ACBD3: variants seen among roughly 807,000 people sequenced by gnomAD.
ACBD3 encodes the protein Golgi resident protein GCP60.
ACBD3 carries 30 observed loss-of-function variants against 66.9 expected under a neutral mutation model. That is an observed-to-expected ratio of 0.45 (90% CI 0.34 to 0.61). ACBD3 has a LOEUF of 0.61. Among genes scored for constraint, ACBD3 ranks in the 20% least tolerant of loss-of-function variants. The probability of loss-of-function intolerance (pLI) is 0.02; values close to 1 mark genes in which losing one functional copy is unlikely to be tolerated. For missense variants in ACBD3, 544 were observed against 664.5 expected (o/e 0.82, Z 1.99); for synonymous variants, 278 against 259.8 (o/e 1.07, Z -0.68).
At chr1:226,184,130 G>C (rs1016138033) in intron 1 of ACBD3, among the ~76,000 whole-genome samples, 1 of 152,134 alleles carries the variant, frequency 6.6e-6, no homozygotes, top group Non-Finnish European at 1.5e-5. Flanking sequence ...GGTGGAGCTT[G>C]CAGTGAGCCC....
At chr1:226,153,869 G>A (rs1339431608) in intron 6 of ACBD3, among the ~76,000 whole-genome samples, 1 of 152,172 alleles carries the variant, frequency 6.6e-6, no homozygotes, top group Non-Finnish European at 1.5e-5. Flanking sequence ...GGATTGGTAT[G>A]TGTGACCAAC....
At chr1:226,155,527 A>C (rs1368543787) in intron 5 of ACBD3, among the ~76,000 whole-genome samples, 1 of 152,206 alleles carries the variant, frequency 6.6e-6, no homozygotes, top group East Asian at 1.9e-4. Flanking sequence ...AAATCTTGAT[A>C]AACTTTAAAT....
intron 5 of ACBD3, among the ~76,000 whole-genome samples, chr1:226,156,864 CA>C (rs1432916933): frequency 6.6e-6 from 1 of 152,122 alleles, no homozygotes; most frequent in Non-Finnish European, 1.5e-5. Flanking sequence ...TCAATAGGCC[CA>C]GCTCAAATGG....
At chr1:226,174,792 C>T (rs1655991962) in intron 1 of ACBD3, among the ~76,000 whole-genome samples, 1 of 150,544 alleles carries the variant, frequency 6.6e-6, no homozygotes, top group African/African-American at 2.4e-5. Flanking sequence ...AAAAAGAATA[C>T]TGAATGCTAG....
chr1:226,173,130 G>A (rs759905016), intron 1 of ACBD3, among the ~76,000 whole-genome samples: 2 of 152,098 alleles, frequency 1.3e-5, no homozygotes, highest in Non-Finnish European at 2.9e-5. Flanking sequence ...AAATTTAGCT[G>A]GGCATGGTGG....
At chr1:226,164,310 A>G (rs188183493) in intron 3 of ACBD3, among the ~76,000 whole-genome samples, 9 of 152,306 alleles carry the variant, frequency 5.9e-5, no homozygotes, top group African/African-American at 1.7e-4. Flanking sequence ...CAGCACATTC[A>G]GTAGCTCCTC....
intron 1 of ACBD3, among the ~76,000 whole-genome samples, chr1:226,175,867 C>T (rs990815806): frequency 6.6e-6 from 1 of 152,166 alleles, no homozygotes; most frequent in African/African-American, 2.4e-5. Flanking sequence ...CGAATAAACT[C>T]ATGCACAATT....
intron 4 of ACBD3, 82 bp downstream of exon 4, chr1:226,161,449 C>A: frequency 1.3e-6 from 2 of 1,588,716 alleles, no homozygotes; most frequent in Non-Finnish European, 1.7e-6. Flanking sequence ...TGAACCACCA[C>A]ACCTGGCCCG....
intron 7 of ACBD3, among the ~76,000 whole-genome samples, chr1:226,150,382 CT>C (rs961784244): frequency 6.6e-6 from 1 of 151,470 alleles, no homozygotes; most frequent in Non-Finnish European, 1.5e-5. Context: ...CAGGCTTTTT[CT>C]TTTTTTTATT....
intron 5 of ACBD3, among the ~76,000 whole-genome samples, chr1:226,155,424 A>C (rs1412911531): frequency 6.6e-6 from 1 of 152,022 alleles, no homozygotes; most frequent in Non-Finnish European, 1.5e-5. Flanking sequence ...TCTCAAAAAA[A>C]AAAAAAAAAA....
intron 3 of ACBD3, among the ~76,000 whole-genome samples, chr1:226,164,269 CA>C (rs1376868954): frequency 1.3e-5 from 2 of 151,812 alleles, no homozygotes; most frequent in African/African-American, 4.8e-5. Context: ...TTCTAATTCA[CA>C]ACTACAACAG....
chr1:226,167,666 CG>C (rs1659900026), intron 1 of ACBD3, among the ~76,000 whole-genome samples: 1 of 152,048 alleles, frequency 6.6e-6, no homozygotes, highest in African/African-American at 2.4e-5. Flanking sequence ...TTAAAGAAAA[CG>C]GGGAGGGCAC....
In ACBD3 at chr1:226,145,875, A is replaced by G. The variant is rs1194507863; in HGVS notation, c.*735T>C. The G allele has an allele frequency of 6.6e-6, 1 of 152,350 alleles. No individual in the cohort carries two copies. The highest frequency in any genetic ancestry group is 1.5e-5 in the Non-Finnish European group (1 of 68,044). 9.4% of individuals were successfully genotyped at this position (152,350 alleles called of 1,614,324 possible). On this transcript the variant is annotated 3_prime_UTR_variant, in exon 8 of 8. Coordinates refer to ENST00000366812, the MANE Select transcript of ACBD3 (RefSeq NM_022735.4). ...CAAAACAAAAAACCTGTATTTTGCTACTAGTAGTATGAATACCAAATAAAG... is the reference window on the plus strand; with the variant it reads ...CAAAACAAAAAACCTGTATTTTGCTGCTAGTAGTATGAATACCAAATAAAG...
intron 1 of ACBD3, among the ~76,000 whole-genome samples, chr1:226,173,610 C>G (rs921387763): frequency 4.6e-5 from 7 of 151,910 alleles, no homozygotes; most frequent in Non-Finnish European, 1.0e-4. Flanking sequence ...AAATAAAAAT[C>G]CTTCACAATC....
chr1:226,160,321 CTCAA>C (rs10593361), intron 4 of ACBD3, among the ~76,000 whole-genome samples: 152,143 of 152,174 alleles, frequency 1, 76,056 homozygotes, highest in Non-Finnish European at 1. Flanking sequence ...AACCCCTGAC[CTCAA>C]TCAAGTGATC....
At chr1:226,156,752 G>T (rs1180409847) in intron 5 of ACBD3, among the ~76,000 whole-genome samples, 2 of 152,096 alleles carry the variant, frequency 1.3e-5, no homozygotes, top group African/African-American at 4.8e-5. Flanking sequence ...CAATTTTCTA[G>T]AAGGGATACT....
chr1:226,173,343 T>C (rs1655899086), intron 1 of ACBD3, among the ~76,000 whole-genome samples: 1 of 152,214 alleles, frequency 6.6e-6, no homozygotes, highest in Non-Finnish European at 1.5e-5. Context: ...TTAATTTTAT[T>C]TTATTTATTC....
chr1:226,163,086 C>A (rs1461311378), intron 3 of ACBD3, among the ~76,000 whole-genome samples: 2 of 152,112 alleles, frequency 1.3e-5, no homozygotes, highest in African/African-American at 4.8e-5. Flanking sequence ...CAGATGTGAG[C>A]CACCACAGGC....
chr1:226,178,574 C>CA (rs57231361), intron 1 of ACBD3, among the ~76,000 whole-genome samples: 1,937 of 83,566 alleles, frequency 0.023, 143 homozygotes, highest in East Asian at 0.22. Flanking sequence ...GACTCCGTCT[C>CA]AAAAAAAAAA....
Sources: allele counts gnomAD v4.1 joint callset (sites outside exome capture counted in the v4.1 genomes callset), GRCh38; gene constraint gnomAD v4.1.1; transcripts MANE v1.5; gene names NCBI Gene and HGNC (gene_info 2026-07-23, HGNC 2026-07-21).